The following EYS variants were observed in gnomAD, a reference collection of about 807,000 sequenced individuals.
EYS encodes protein eyes shut homolog.
EYS carries 250 observed loss-of-function variants against 282.1 expected under a neutral mutation model. The ratio of observed to expected loss-of-function variants is 0.89; its 90% confidence interval spans 0.80 to 0.98. The LOEUF (loss-of-function observed/expected upper bound fraction) is 0.98. EYS is among the 50% of genes least tolerant of loss of function. The pLI is 0.00. For synonymous variants in EYS, 1,355 were observed against 1,282.9 expected (o/e 1.06, Z -1.20); for missense variants, 4,016 against 3,709.0 (o/e 1.08, Z -2.15).
At chr6:63,965,614 A>G (rs1766269269) in intron 35 of EYS, among the ~76,000 whole-genome samples, 1 of 152,142 alleles carries the variant, frequency 6.6e-6, no homozygotes, top group Non-Finnish European at 1.5e-5. Context: ...ATGAGTAAAG[A>G]GCTTTTTCTA....
chr6:65,046,640 C>T (rs747193862), intron 13 of EYS, among the ~76,000 whole-genome samples: 2 of 151,804 alleles, frequency 1.3e-5, no homozygotes, highest in African/African-American at 2.4e-5. Flanking sequence ...TCTAGTCAAA[C>T]TAGCAACTCC....
chr6:63,926,763 G>A (rs1017787798), intron 35 of EYS, among the ~76,000 whole-genome samples: 1 of 152,136 alleles, frequency 6.6e-6, no homozygotes, highest in Non-Finnish European at 1.5e-5. Flanking sequence ...GCTTCCAGAA[G>A]TTCTCAGTAC....
chr6:64,307,115 T>A, intron 29 of EYS, 33 bp from the exon 30 acceptor site: 1 of 1,051,682 alleles, frequency 9.5e-7, no homozygotes, highest in Non-Finnish European at 1.4e-6. Context: ...GAAGTAGAGA[T>A]AATTTAAATG....
chr6:65,493,368 C>A (rs1409078760), intron 4 of EYS, among the ~76,000 whole-genome samples: 4 of 152,118 alleles, frequency 2.6e-5, no homozygotes, highest in Non-Finnish European at 5.9e-5. Context: ...TCTGCTTTAA[C>A]CTTCCTTCCT....
At chr6:65,598,570 C>A (rs887099376) in intron 2 of EYS, among the ~76,000 whole-genome samples, 1 of 151,916 alleles carries the variant, frequency 6.6e-6, no homozygotes, top group African/African-American at 2.4e-5. Context: ...TCATATATAC[C>A]TTTTTTACTC....
chr6:65,564,630 G>A (rs1769203054), intron 2 of EYS, among the ~76,000 whole-genome samples: 1 of 151,930 alleles, frequency 6.6e-6, no homozygotes, highest in Admixed American at 6.6e-5. Context: ...AACTCAAGAT[G>A]GATTAAAGCT....
intron 2 of EYS, among the ~76,000 whole-genome samples, chr6:65,574,738 G>T (rs1764598272): frequency 6.6e-6 from 1 of 152,028 alleles, no homozygotes; most frequent in Non-Finnish European, 1.5e-5. Flanking sequence ...GGAAACATCG[G>T]ACTTGAACTA....
At chr6:64,588,152 T>A (rs11756443) in intron 26 of EYS, among the ~76,000 whole-genome samples, 14,950 of 152,010 alleles carry the variant, frequency 0.098, 911 homozygotes, top group East Asian at 0.17. Context: ...ATTCAAATAA[T>A]CACTGTGATG....
intron 26 of EYS, among the ~76,000 whole-genome samples, chr6:64,551,353 A>T (rs943609515): frequency 3.3e-5 from 5 of 151,906 alleles, no homozygotes; most frequent in African/African-American, 1.2e-4. Flanking sequence ...TGAGGGGCAG[A>T]AGGAGTCTTT....
intron 33 of EYS, among the ~76,000 whole-genome samples, chr6:64,022,278 C>T (rs1004656689): frequency 6.6e-6 from 1 of 152,044 alleles, no homozygotes; most frequent in Non-Finnish European, 1.5e-5. Flanking sequence ...TTCATCAAAA[C>T]CTGAGAATAA....
intron 28 of EYS, among the ~76,000 whole-genome samples, chr6:64,394,497 C>G (rs1462575752): frequency 6.6e-6 from 1 of 152,174 alleles, no homozygotes; most frequent in African/African-American, 2.4e-5. Flanking sequence ...ACTATCTGAT[C>G]TTTGACAAAC....
At chr6:64,071,464 C>T (rs185123537) in intron 32 of EYS, among the ~76,000 whole-genome samples, 4 of 151,598 alleles carry the variant, frequency 2.6e-5, no homozygotes, top group Admixed American at 2.6e-4. Flanking sequence ...CATGTTTGTG[C>T]CCCTTGAATT....
At chr6:64,271,971 C>T (rs1401518555) in intron 30 of EYS, among the ~76,000 whole-genome samples, 1 of 152,202 alleles carries the variant, frequency 6.6e-6, no homozygotes, top group Non-Finnish European at 1.5e-5. Context: ...TCCCGAGTAG[C>T]TGGGATTACA....
At chr6:64,902,826 C>A (rs1329907501) in intron 16 of EYS, among the ~76,000 whole-genome samples, 2 of 152,120 alleles carry the variant, frequency 1.3e-5, no homozygotes, top group South Asian at 4.2e-4. Flanking sequence ...ATCTGGAAAG[C>A]AAATGAATTA....
chr6:64,192,257 A>G (rs1450652662), intron 31 of EYS, among the ~76,000 whole-genome samples: 2 of 151,680 alleles, frequency 1.3e-5, no homozygotes, highest in East Asian at 3.9e-4. Flanking sequence ...AGGTTGCGAA[A>G]ATTTTCTCCC....
chr6:65,344,131 A>G lies in EYS; in HGVS notation c.1506T>C (p.Phe502=). 1 of 1,610,710 alleles carries G rather than the reference A, an allele frequency of 6.2e-7. No homozygotes were observed. The highest frequency in any genetic ancestry group is 8.5e-7 in the Non-Finnish European group (1 of 1,177,808). The change falls in exon 10 of 43, where the codon TTT becomes TTC. Residue 502 remains phenylalanine (F), a synonymous_variant. Transcript: ENST00000503581. ...KCQGVIDAYF[F]LAANCTEDAT... Reference sequence around the variant, plus strand: ...CATCTTCAGTGCAGTTTGCAGCCAGAAAGAAATAGGCATCAATAACCCCTT... The same window carrying G: ...CATCTTCAGTGCAGTTTGCAGCCAGGAAGAAATAGGCATCAATAACCCCTT...
chr6:64,114,969 G>A (rs1773327302), intron 31 of EYS, among the ~76,000 whole-genome samples: 1 of 152,088 alleles, frequency 6.6e-6, no homozygotes, highest in Non-Finnish European at 1.5e-5. Flanking sequence ...CTGGAGCTGC[G>A]GCCACTCTGT....
intron 5 of EYS, among the ~76,000 whole-genome samples, chr6:65,440,745 T>C (rs1768282891): frequency 1.3e-5 from 2 of 150,950 alleles, no homozygotes; most frequent in South Asian, 2.1e-4. Flanking sequence ...AGAAATTTTT[T>C]TGATATGGCT....
At chr6:63,743,347 G>A (rs896161047) in intron 41 of EYS, among the ~76,000 whole-genome samples, 3 of 152,142 alleles carry the variant, frequency 2.0e-5, no homozygotes, top group Admixed American at 6.5e-5. Context: ...TTCCAGGAAG[G>A]AATTAGAATT....
Sources: gnomAD v4.1 joint callset for allele counts (sites outside exome capture counted in the v4.1 genomes callset) on GRCh38, gnomAD v4.1.1 for gene constraint, MANE v1.5 for transcripts, NCBI Gene and HGNC (gene_info 2026-07-23, HGNC 2026-07-21) for gene names.